Variants in SEPTIN9 observed in about 807,000 individuals in gnomAD.
SEPTIN9 encodes septin 9.
In SEPTIN9, 13 loss-of-function variants were observed where a neutral mutation model predicts 56.6. The observed-to-expected ratio is 0.23, with a 90% CI of 0.15 to 0.37. The LOEUF is 0.37. Among genes scored for constraint, SEPTIN9 ranks in the 10% least tolerant of loss-of-function variants. The pLI is 1.00. For synonymous variants in SEPTIN9, 332 were observed against 334.1 expected (o/e 0.99, Z 0.07); for missense variants, 650 against 823.1 (o/e 0.79, Z 2.57).
intron 3 of SEPTIN9, among the ~76,000 whole-genome samples, chr17:77,443,862 T>C (rs1385590147): frequency 6.6e-6 from 1 of 152,106 alleles, no homozygotes; most frequent in Non-Finnish European, 1.5e-5. Context: ...TGTGGAAAGT[T>C]GCAACTTGAC....
chr17:77,360,127 A>G lies in SEPTIN9; in HGVS notation c.77-41932A>G, dbSNP rs551775786. Among the ~76,000 whole-genome samples, 5 of 149,906 alleles carry G rather than the reference A, an allele frequency of 3.3e-5. No homozygotes were observed. The East Asian group carries it at 9.8e-4, about 29-fold the overall frequency. ...AGCCAAGATCACACCATTGCACTCC[A>G]GCCTGGAGAAAAAAAGCAAAACTCT... On this transcript the variant is annotated intron_variant, in intron 2 of 11. Transcript: ENST00000427177.
chr17:77,448,290 T>C (rs2037823444), intron 3 of SEPTIN9, among the ~76,000 whole-genome samples: 1 of 151,946 alleles, frequency 6.6e-6, no homozygotes, highest in South Asian at 2.1e-4. Context: ...CTGGCCAACA[T>C]GGTGAAACCC....
rs1311802167 is a variant in SEPTIN9 at position 77,369,284 on chromosome 17, A to G, written c.77-32775A>G. Among the ~76,000 whole-genome samples, 2 of 152,184 alleles carry G rather than the reference A, an allele frequency of 1.3e-5. No individual in the cohort carries two copies. Among genetic ancestry groups the G allele is most frequent in the Non-Finnish European group, 2.9e-5 (2 of 68,034 alleles). ...GCCAAGGCAGGAATATTGACACCAC[A>G]GGAATAGGCAAGCGCTACAAATCGG... On this transcript the variant is annotated intron_variant, in intron 2 of 11. Coordinates refer to ENST00000427177, the MANE Select transcript of SEPTIN9 (RefSeq NM_001113491.2). This position sits in a 1 kb window ranked among gnomAD's most constrained non-coding sequence, Gnocchi z 4.9.
intron 1 of SEPTIN9, among the ~76,000 whole-genome samples, chr17:77,302,462 A>G (rs1598488136): frequency 6.6e-6 from 1 of 151,692 alleles, no homozygotes; most frequent in Non-Finnish European, 1.5e-5. Context: ...GGAGGATCAC[A>G]AGGTCAGGAG....
chr17:77,454,142 C>T (rs1485846307), intron 3 of SEPTIN9: 1 of 985,746 alleles, frequency 1.0e-6, no homozygotes, highest in Non-Finnish European at 1.2e-6. Context: ...GCCGGCCCCT[C>T]TCTGCAGCCC....
intron 2 of SEPTIN9, among the ~76,000 whole-genome samples, chr17:77,399,569 C>T (rs1197334174): frequency 3.3e-5 from 5 of 152,182 alleles, no homozygotes; most frequent in Non-Finnish European, 5.9e-5. Flanking sequence ...CAGTCTGGCT[C>T]TGTGTCTACC....
chr17:77,423,273 C>T lies in SEPTIN9; in HGVS notation c.721+20570C>T, dbSNP rs575364113. On this transcript the variant is annotated intron_variant, in intron 3 of 11. Transcript: ENST00000427177. ...CTGGTCTCGAACTCCTGGCCTCAAGCGATCCGCCCGCCTCAGCCTCCCAAA... is the reference window on the plus strand; with the variant it reads ...CTGGTCTCGAACTCCTGGCCTCAAGTGATCCGCCCGCCTCAGCCTCCCAAA... Among the ~76,000 whole-genome samples, 318 of 152,210 alleles carry T rather than the reference C, an allele frequency of 2.1e-3. 1 individual carries two copies. Among genetic ancestry groups the T allele is most frequent in the African/African-American group, 7.4e-3 (308 of 41,528 alleles).
intron 3 of SEPTIN9, among the ~76,000 whole-genome samples, chr17:77,440,748 C>T (rs554419948): frequency 2.8e-4 from 42 of 152,372 alleles, no homozygotes; most frequent in African/African-American, 7.0e-4. Context: ...TTGTCACTCT[C>T]CTCGCTGAGC....
intron 2 of SEPTIN9, among the ~76,000 whole-genome samples, chr17:77,311,410 C>T (rs930148535): frequency 7.2e-5 from 11 of 152,164 alleles, no homozygotes; most frequent in South Asian, 2.1e-4. Context: ...TGGACGACCC[C>T]GCCCGCAGGA....
At chr17:77,366,228 T>C (rs550889550) in intron 2 of SEPTIN9, among the ~76,000 whole-genome samples, 94 of 152,254 alleles carry the variant, frequency 6.2e-4, no homozygotes, top group South Asian at 1.2e-3. Context: ...TTTCCATCAC[T>C]GGTGTCCATG....
At chr17:77,489,178 G>C (rs891184547) in intron 7 of SEPTIN9, among the ~76,000 whole-genome samples, 2 of 152,210 alleles carry the variant, frequency 1.3e-5, no homozygotes, top group African/African-American at 4.8e-5. Flanking sequence ...TCTGGCAGGT[G>C]GAGTGGGAGC....
chr17:77,312,246 G>T (rs2032526458), intron 2 of SEPTIN9, among the ~76,000 whole-genome samples: 1 of 152,144 alleles, frequency 6.6e-6, no homozygotes, highest in Non-Finnish European at 1.5e-5. Context: ...TGGGGACCGG[G>T]TGATAGGATC....
rs765281887 is a variant in SEPTIN9 at position 77,498,965 on chromosome 17, G to C, written c.*307G>C. 19 of 549,240 alleles carry C rather than the reference G, an allele frequency of 3.5e-5. 1 individual carries two copies. The highest frequency in any genetic ancestry group is 2.8e-4 in the South Asian group (18 of 65,354). The allele number at this position is 549,240 out of a possible 1,614,324, so 34.0% of individuals were successfully genotyped here. On this transcript the variant is annotated 3_prime_UTR_variant, in exon 12 of 12. Transcript: ENST00000427177. Reference sequence around the variant, plus strand: ...CCGAGGGCTCAGAAGAGCAGCTTCGGTGTGCAGATCATCCGTCTGTGTGGG... The same window carrying C: ...CCGAGGGCTCAGAAGAGCAGCTTCGCTGTGCAGATCATCCGTCTGTGTGGG...
chr17:77,302,078 A>T (rs960892599), intron 1 of SEPTIN9, among the ~76,000 whole-genome samples: 4 of 152,232 alleles, frequency 2.6e-5, no homozygotes, highest in Admixed American at 2.0e-4. Flanking sequence ...TAAAGTAACA[A>T]CAATGATACA....
intron 2 of SEPTIN9, among the ~76,000 whole-genome samples, chr17:77,388,810 C>CTTTTTTTTTTTTTTTTTTTT (rs5822196): frequency 6.4e-5 from 5 of 78,056 alleles, no homozygotes; most frequent in African/African-American, 1.2e-4. Flanking sequence ...GTGTTAGGCG[C>CTTTTTTTTTTTTTTTTTTTT]TTTTTTTTTT....
chr17:77,307,040 C>A, intron 1 of SEPTIN9, 101 bp from the exon 2 acceptor site: 1 of 1,145,382 alleles, frequency 8.7e-7, no homozygotes, highest in Non-Finnish European at 1.3e-6. Flanking sequence ...CTGGAACTCA[C>A]AGCAGGAGCA....
intron 1 of SEPTIN9, among the ~76,000 whole-genome samples, chr17:77,305,905 TGGGG>T (rs869237057): frequency 0.19 from 5,812 of 30,346 alleles, 301 homozygotes; most frequent in African/African-American, 0.28. Context: ...AGTGGGTGGG[TGGGG>T]GGGTGGGTGG....
In SEPTIN9 at chr17:77,475,848, G is replaced by A. The variant is rs780392470; in HGVS notation, c.722-6296G>A. 1 of 1,613,538 alleles carries A rather than the reference G, an allele frequency of 6.2e-7. No individual in the cohort carries two copies. The highest frequency in any genetic ancestry group is 2.2e-5 in the East Asian group (1 of 44,886). On this transcript the variant is annotated intron_variant, in intron 3 of 11. Transcript: ENST00000427177. The surrounding 1 kb of genome is among the most constrained non-coding windows in gnomAD (Gnocchi z 4.6). ...TCAGTGGCTTCACAGGCCTCCGTGG[G>A]CAGGAGGAGGATGACCTTGCATTCT...
At position 77,437,538 on chromosome 17, in the gene SEPTIN9, C is replaced by G. The variant is rs1447605773; in HGVS notation, c.721+34835C>G. On this transcript the variant is annotated intron_variant, in intron 3 of 11. Transcript: ENST00000427177. This position sits in a 1 kb window ranked among gnomAD's most constrained non-coding sequence, Gnocchi z 5.3. ...AGGACCTCGAGAGGTCAGGAGGCTG[C>G]TCAAGACCTTCTGCCCCTCAGGGAC... Among the ~76,000 whole-genome samples the G allele has an allele frequency of 1.3e-5, 2 of 152,136 alleles. No individual in the cohort carries two copies. Among genetic ancestry groups the G allele is most frequent in the Non-Finnish European group, 2.9e-5 (2 of 68,006 alleles).
Sources: gnomAD v4.1 joint callset for allele counts (sites outside exome capture counted in the v4.1 genomes callset) on GRCh38, gnomAD v4.1.1 for gene constraint, Gnocchi (gnomAD v3.1) non-coding constraint, MANE v1.5 for transcripts, NCBI Gene and HGNC (gene_info 2026-07-23, HGNC 2026-07-21) for gene names.